TMEFF1: variants seen among roughly 807,000 people sequenced by gnomAD.
TMEFF1 encodes the protein tomoregulin-1.
In TMEFF1, 20 loss-of-function variants were observed where a neutral mutation model predicts 47.5. The observed-to-expected ratio is 0.42, with a 90% confidence interval of 0.30 to 0.61. The LOEUF is 0.61. Among genes scored for constraint, TMEFF1 ranks in the 20% least tolerant of loss-of-function variants. The probability of loss-of-function intolerance (pLI) is 0.19; values close to 1 mark genes in which losing one functional copy is unlikely to be tolerated. For missense variants in TMEFF1, 411 were observed against 471.1 expected, an observed-to-expected ratio of 0.87 and a Z score of 1.18; for synonymous variants, 162 against 166.3, an observed-to-expected ratio of 0.97 and a Z score of 0.20.
In TMEFF1 at chr9:100,530,090, A is replaced by G. The variant is rs1489222146; in HGVS notation, c.560+13319A>G. Among the ~76,000 whole-genome samples, 5 of 151,996 alleles carry G rather than the reference A, an allele frequency of 3.3e-5. No homozygotes were observed. The East Asian group carries it at 5.8e-4, about 18-fold the overall frequency. On this transcript the variant is annotated intron_variant, in intron 5 of 9. Coordinates refer to ENST00000374879, the MANE Select transcript of TMEFF1 (RefSeq NM_003692.5). ...ACCAGAATCTCTGGGACGCATTCAA[A>G]GCAGTGTGTAGAGGGAAATTTATAG...
chr9:100,504,116 GA>G (rs1283325816), intron 2 of TMEFF1, among the ~76,000 whole-genome samples: 3 of 152,192 alleles, frequency 2.0e-5, no homozygotes, highest in Non-Finnish European at 4.4e-5. Context: ...TCTAGCTAAA[GA>G]AAAGGTACAG....
Position 100,551,608 on chromosome 9 carries a change from A to G in TMEFF1, c.775+1448A>G, listed in dbSNP as rs1838827773. Among the ~76,000 whole-genome samples, 3 of 152,230 alleles carry G rather than the reference A, an allele frequency of 2.0e-5. No homozygotes were observed. The South Asian group carries it at 6.2e-4, about 32-fold the overall frequency. On this transcript the variant is annotated intron_variant, in intron 7 of 9. Coordinates refer to ENST00000374879, the MANE Select transcript of TMEFF1 (RefSeq NM_003692.5). Reference sequence around the variant, plus strand: ...GTGTGCCATTGATAATGGATAATTTAGAGCCTAGGCCACTTTTGAGATACT... The same window carrying G: ...GTGTGCCATTGATAATGGATAATTTGGAGCCTAGGCCACTTTTGAGATACT...
intron 1 of TMEFF1, among the ~76,000 whole-genome samples, chr9:100,484,481 G>T (rs953954536): frequency 1.6e-4 from 24 of 152,114 alleles, no homozygotes; most frequent in South Asian, 2.1e-4. Context: ...ACCATGCCTG[G>T]CTAATTTTTT....
At chr9:100,527,710 C>G (rs1335280451) in intron 5 of TMEFF1, among the ~76,000 whole-genome samples, 1 of 152,102 alleles carries the variant, frequency 6.6e-6, no homozygotes, top group Non-Finnish European at 1.5e-5. Flanking sequence ...ACAAAGCAGC[C>G]GGGAAGCTCG....
chr9:100,555,469 G>T (rs2118530991), intron 7 of TMEFF1, among the ~76,000 whole-genome samples: 1 of 152,244 alleles, frequency 6.6e-6, no homozygotes, highest in East Asian at 1.9e-4. Flanking sequence ...CATCTCCTAG[G>T]ATAGCTTGGA....
intron 5 of TMEFF1, among the ~76,000 whole-genome samples, chr9:100,529,619 T>G (rs965364059): frequency 3.3e-5 from 5 of 152,048 alleles, no homozygotes; most frequent in Non-Finnish European, 7.4e-5. Flanking sequence ...ACAGAGAGAC[T>G]TAGACTCCCA....
At chr9:100,495,318 TC>T (rs1437002823) in intron 1 of TMEFF1, among the ~76,000 whole-genome samples, 7 of 152,348 alleles carry the variant, frequency 4.6e-5, no homozygotes, top group African/African-American at 1.7e-4. Flanking sequence ...TTTTCCAAAT[TC>T]TTTATAATGA....
At chr9:100,497,187 G>T (rs914776446) in intron 1 of TMEFF1, among the ~76,000 whole-genome samples, 41 of 152,160 alleles carry the variant, frequency 2.7e-4, no homozygotes, top group African/African-American at 9.2e-4. Context: ...GGAGAACCAA[G>T]GACATAAAGC....
intron 1 of TMEFF1, among the ~76,000 whole-genome samples, chr9:100,482,314 C>A (rs1837358500): frequency 6.6e-6 from 1 of 152,132 alleles, no homozygotes; most frequent in South Asian, 2.1e-4. Flanking sequence ...TCTCCTGCCT[C>A]AACCTCCAGA....
rs1416061991 is a variant in TMEFF1, at chr9:100,509,241, T to C, written c.436+107T>C. ...TTTCCACAACTGCTGTGTGGATTGG[T>C]GGTGGTTGTTGCGGGGAGTAGGGGA... On this transcript the variant is annotated intron_variant, in intron 3 of 9. Coordinates refer to ENST00000374879, the MANE Select transcript of TMEFF1 (RefSeq NM_003692.5). 8 of 1,338,330 alleles carry C rather than the reference T, an allele frequency of 6.0e-6. No individual in the cohort carries two copies. In the Admixed American group the frequency reaches 1.1e-4, roughly 19 times the overall value. 82.9% of individuals were successfully genotyped at this position (1,338,330 alleles called of 1,614,324 possible).
At chr9:100,572,797 A>G (rs973322169) in intron 9 of TMEFF1, 121 bp downstream of exon 9, 1 of 1,258,932 alleles carries the variant, frequency 7.9e-7, no homozygotes, top group Non-Finnish European at 1.1e-6. Flanking sequence ...TGAGGTTTTC[A>G]GTGGTCTCTC....
At chr9:100,484,803 C>A (rs1413088628) in intron 1 of TMEFF1, among the ~76,000 whole-genome samples, 1 of 151,506 alleles carries the variant, frequency 6.6e-6, no homozygotes, top group Non-Finnish European at 1.5e-5. Flanking sequence ...GATTCTCATA[C>A]CTCGGCATGA....
At chr9:100,559,588 A>G (rs765951396) in intron 7 of TMEFF1, among the ~76,000 whole-genome samples, 8 of 152,140 alleles carry the variant, frequency 5.3e-5, no homozygotes, top group Non-Finnish European at 1.2e-4. Context: ...TATTGGCTAT[A>G]TTGGATTAAA....
At chr9:100,520,009 T>A (rs1838136522) in intron 5 of TMEFF1, among the ~76,000 whole-genome samples, 1 of 152,202 alleles carries the variant, frequency 6.6e-6, no homozygotes. Flanking sequence ...TCCTACTTTC[T>A]TATAAAATAC....
In TMEFF1 at chr9:100,567,951, C is replaced by T. The variant is rs568841857; in HGVS notation, c.900-4567C>T. On this transcript the variant is annotated intron_variant, in intron 8 of 9. Coordinates refer to ENST00000374879, the MANE Select transcript of TMEFF1 (RefSeq NM_003692.5). ...GCAGCCAGTAAAGAGAGGGCCTGTG[C>T]AGCAAAACTCCAGTTTTTAAAACCA... 2.7e-4 allele frequency among the ~76,000 whole-genome samples: 41 copies of T among 152,240 alleles called. No individual in the cohort carries two copies. The South Asian group carries it at 6.2e-3, about 23-fold the overall frequency.
At chr9:100,516,799 GTTAT>G (rs1271535465) in intron 5 of TMEFF1, 28 bp downstream of exon 5, 1 of 1,606,232 alleles carries the variant, frequency 6.2e-7, no homozygotes, top group East Asian at 2.2e-5. Context: ...AAGGGACAAA[GTTAT>G]TTAGAGATTA....
At chr9:100,550,243 A>G (rs1838808473) in intron 7 of TMEFF1, 83 bp downstream of exon 7, 1 of 1,392,700 alleles carries the variant, frequency 7.2e-7, no homozygotes. Context: ...TTTCCATTAT[A>G]ACAACACCTC....
In TMEFF1 at chr9:100,503,884, A is replaced by G. The variant is rs373020768; in HGVS notation, c.306+5010A>G. 2.0e-5 allele frequency among the ~76,000 whole-genome samples: 3 copies of G among 152,326 alleles called. No individual in the cohort carries two copies. In the South Asian group the frequency reaches 6.2e-4, roughly 32 times the overall value. On this transcript the variant is annotated intron_variant, in intron 2 of 9. Coordinates refer to ENST00000374879, the MANE Select transcript of TMEFF1 (RefSeq NM_003692.5). ...TCATCTAGAAATTCCTTCACAGATA[A>G]ACCCAGAAATGATGTTTAGTCTGGG...
At chr9:100,524,988 A>G (rs1215299604) in intron 5 of TMEFF1, among the ~76,000 whole-genome samples, 2 of 152,164 alleles carry the variant, frequency 1.3e-5, no homozygotes, top group Non-Finnish European at 2.9e-5. Flanking sequence ...GGCCAGGCTT[A>G]CCTGGGCAGT....
Sources: allele counts gnomAD v4.1 joint callset (sites outside exome capture counted in the v4.1 genomes callset), GRCh38; gene constraint gnomAD v4.1.1; transcripts MANE v1.5; gene names NCBI Gene and HGNC (gene_info 2026-07-23, HGNC 2026-07-21).